Variants in ADAMTS12 observed in about 807,000 individuals in gnomAD.
ADAMTS12 encodes ADAM metallopeptidase with thrombospondin type 1 motif 12, also known as A disintegrin and metalloproteinase with thrombospondin motifs 12.
A neutral mutation model predicts 167.8 loss-of-function variants in ADAMTS12; 118 were observed. The observed-to-expected ratio is 0.70, with a 90% confidence interval of 0.61 to 0.82. The LOEUF (loss-of-function observed/expected upper bound fraction) is 0.82. Among genes scored for constraint, ADAMTS12 ranks in the 40% least tolerant of loss-of-function variants. The pLI, the probability that ADAMTS12 is intolerant of heterozygous loss-of-function variation, is 0.00. For synonymous variants in ADAMTS12, 704 were observed against 716.9 expected, an observed-to-expected ratio of 0.98 and a Z score of 0.29; for missense variants, 1,916 against 1,998.8, an observed-to-expected ratio of 0.96 and a Z score of 0.79.
chr5:33,736,207 C>T (rs772646394), intron 3 of ADAMTS12, among the ~76,000 whole-genome samples: 10 of 151,882 alleles, frequency 6.6e-5, no homozygotes, highest in Non-Finnish European at 1.0e-4. Context: ...GGAACACATG[C>T]GTATACCACC....
intron 2 of ADAMTS12, among the ~76,000 whole-genome samples, chr5:33,819,277 T>C (rs1489249841): frequency 6.6e-6 from 1 of 152,154 alleles, no homozygotes; most frequent in East Asian, 1.9e-4. Flanking sequence ...TAAAATCAAA[T>C]TTCATTATTT....
chr5:33,632,512 C>A (rs998272705), intron 12 of ADAMTS12, among the ~76,000 whole-genome samples: 6 of 152,164 alleles, frequency 3.9e-5, no homozygotes, highest in Non-Finnish European at 7.4e-5. Context: ...ACCAGATAGA[C>A]TCAAAATGAG....
chr5:33,882,457 T>C (rs373414296), intron 1 of ADAMTS12, among the ~76,000 whole-genome samples: 24 of 152,358 alleles, frequency 1.6e-4, no homozygotes, highest in African/African-American at 5.8e-4. Flanking sequence ...ATACACATTT[T>C]GACCTACTCA....
chr5:33,779,403 C>G (rs1746036186), intron 2 of ADAMTS12, among the ~76,000 whole-genome samples: 1 of 152,080 alleles, frequency 6.6e-6, no homozygotes, highest in Non-Finnish European at 1.5e-5. Flanking sequence ...TCAGGCTGGT[C>G]TTGAACTCCT....
At chr5:33,726,516 G>T (rs926057397) in intron 3 of ADAMTS12, among the ~76,000 whole-genome samples, 1 of 152,218 alleles carries the variant, frequency 6.6e-6, no homozygotes, top group East Asian at 1.9e-4. Flanking sequence ...GATTCAGAGA[G>T]ACTCTGGACC....
intron 2 of ADAMTS12, among the ~76,000 whole-genome samples, chr5:33,811,583 A>G (rs1045015878): frequency 2.0e-5 from 3 of 152,222 alleles, no homozygotes; most frequent in Admixed American, 1.3e-4. Flanking sequence ...CAGAATGGCT[A>G]GAGGAGAAAG....
chr5:33,697,778 A>C (rs972589171), intron 3 of ADAMTS12, among the ~76,000 whole-genome samples: 3 of 152,218 alleles, frequency 2.0e-5, no homozygotes, highest in African/African-American at 7.2e-5. Context: ...AACCGGGATT[A>C]GTTCAGATTA....
chr5:33,811,927 G>A (rs1457646177), intron 2 of ADAMTS12, among the ~76,000 whole-genome samples: 1 of 152,154 alleles, frequency 6.6e-6, no homozygotes, highest in African/African-American at 2.4e-5. Context: ...GATGAACTTG[G>A]GAGGTGAGAG....
At chr5:33,794,040 C>T (rs987133078) in intron 2 of ADAMTS12, among the ~76,000 whole-genome samples, 3 of 152,190 alleles carry the variant, frequency 2.0e-5, no homozygotes, top group Non-Finnish European at 4.4e-5. Context: ...CCCATGAATC[C>T]CTGTGGTGCC....
At chr5:33,821,770 C>G (rs1384129176) in intron 2 of ADAMTS12, among the ~76,000 whole-genome samples, 3 of 152,196 alleles carry the variant, frequency 2.0e-5, no homozygotes, top group Non-Finnish European at 4.4e-5. Context: ...CTTCCCTTCT[C>G]TAGCTGTGAA....
At chr5:33,787,516 C>T (rs10058403) in intron 2 of ADAMTS12, among the ~76,000 whole-genome samples, 22,072 of 152,186 alleles carry the variant, frequency 0.15, 1,904 homozygotes, top group East Asian at 0.4. Flanking sequence ...GAGAAGAAGG[C>T]GACTATGAGG....
chr5:33,564,767 A>G (rs780499029), intron 19 of ADAMTS12, among the ~76,000 whole-genome samples: 26 of 152,180 alleles, frequency 1.7e-4, no homozygotes, highest in Non-Finnish European at 3.4e-4. Flanking sequence ...CAGACATTCA[A>G]TGCTAGTTGC....
chr5:33,832,941 C>CTTTAAA (rs10636696), intron 2 of ADAMTS12, among the ~76,000 whole-genome samples: 18,678 of 151,308 alleles, frequency 0.12, 2,142 homozygotes, highest in East Asian at 0.39. Context: ...ATTCCTCTAT[C>CTTTAAA]TTTAACTTTT....
chr5:33,654,438 G>C (rs553863567), intron 7 of ADAMTS12, among the ~76,000 whole-genome samples: 53 of 152,244 alleles, frequency 3.5e-4, no homozygotes, highest in African/African-American at 1.3e-3. Context: ...ACACTACTCT[G>C]GAGGGGAAGG....
At chr5:33,578,781 A>C (rs1279765743) in intron 18 of ADAMTS12, among the ~76,000 whole-genome samples, 1 of 152,224 alleles carries the variant, frequency 6.6e-6, no homozygotes, top group Non-Finnish European at 1.5e-5. Context: ...CTGTGAAATC[A>C]GCTCTTTTGA....
chr5:33,593,555 A>G (rs888666286), intron 17 of ADAMTS12, among the ~76,000 whole-genome samples: 9 of 152,222 alleles, frequency 5.9e-5, no homozygotes, highest in African/African-American at 2.2e-4. Context: ...ATTCTTAAAA[A>G]GTGCTAGTTT....
chr5:33,810,862 C>T (rs2112486773), intron 2 of ADAMTS12, among the ~76,000 whole-genome samples: 2 of 152,332 alleles, frequency 1.3e-5, no homozygotes, highest in Admixed American at 1.3e-4. Flanking sequence ...ACATTCATGT[C>T]CATACACTCC....
At chr5:33,683,758 AGTT>A in intron 4 of ADAMTS12, 98 bp downstream of exon 4, 1 of 799,862 alleles carries the variant, frequency 1.3e-6, no homozygotes. Context: ...TATAAAAATA[AGTT>A]AAAAGGACCC....
intron 2 of ADAMTS12, among the ~76,000 whole-genome samples, chr5:33,821,578 C>T (rs781324753): frequency 3.3e-5 from 5 of 152,128 alleles, no homozygotes; most frequent in Admixed American, 6.6e-5. Flanking sequence ...ACTCTTGTCA[C>T]GATCTTTTCC....
Sources: gnomAD v4.1 joint callset for allele counts (sites outside exome capture counted in the v4.1 genomes callset) on GRCh38, gnomAD v4.1.1 for gene constraint, MANE v1.5 for transcripts, NCBI Gene and HGNC (gene_info 2026-07-23, HGNC 2026-07-21) for gene names.